The following SHISA5 variants were observed in gnomAD, a reference collection of about 807,000 sequenced individuals.
SHISA5 encodes protein shisa-5.
In SHISA5, 21 loss-of-function variants were observed where a neutral mutation model predicts 27.5. That is an observed-to-expected ratio of 0.76 (90% confidence interval 0.54 to 1.10). The LOEUF (loss-of-function observed/expected upper bound fraction) is 1.10. Ranked by LOEUF, SHISA5 falls within the 50% of genes least tolerant of loss-of-function variation. The pLI is 0.00. For synonymous variants in SHISA5, 137 were observed against 142.2 expected (o/e 0.96, Z 0.26); for missense variants, 314 against 336.3 (o/e 0.93, Z 0.52).
intron 1 of SHISA5, chr3:48,502,295 T>A (rs1575336466): frequency 2.3e-6 from 1 of 440,092 alleles, no homozygotes; most frequent in African/African-American, 2.0e-5. Flanking sequence ...GCAGGCTAGA[T>A]CCTGGTCAGA....
In SHISA5 at chr3:48,476,602, C is replaced by A. The variant is rs114722885; in HGVS notation, c.314+2575G>T. The stretch of plus-strand genomic sequence containing the variant: ...AAGTAGGCAGCACATGGATGCCCAG[C>A]AGAGGATGTCTCCTTGGGACCCAGA... On this transcript the variant is annotated intron_variant, in intron 3 of 5. Coordinates refer to ENST00000296444, the MANE Select transcript of SHISA5 (RefSeq NM_016479.6). 2.8e-3 allele frequency among the ~76,000 whole-genome samples: 422 copies of A among 152,296 alleles called. 2 individuals are homozygous for A. Among genetic ancestry groups the A allele is most frequent in the African/African-American group, 9.8e-3 (408 of 41,556 alleles).
At chr3:48,485,355 C>T (rs916097066) in intron 2 of SHISA5, among the ~76,000 whole-genome samples, 30 of 150,766 alleles carry the variant, frequency 2.0e-4, no homozygotes, top group Non-Finnish European at 1.5e-4. Flanking sequence ...ATTAGCCAAG[C>T]GTGGTGGTGC....
chr3:48,477,144 GATTC>G, intron 3 of SHISA5: 1 of 427,768 alleles, frequency 2.3e-6, no homozygotes, highest in Non-Finnish European at 4.6e-6. Context: ...CCTTCACATG[GATTC>G]TCCAACTCCT....
intron 2 of SHISA5, among the ~76,000 whole-genome samples, chr3:48,485,671 TATA>T (rs2041195572): frequency 7.0e-6 from 1 of 142,560 alleles, no homozygotes. Flanking sequence ...AAAATCTACA[TATA>T]ATATTATATA....
chr3:48,473,229 G>A lies in SHISA5; in HGVS notation c.315-3386C>T, dbSNP rs1395849831. On this transcript the variant is annotated intron_variant, in intron 3 of 5. Coordinates refer to ENST00000296444, the MANE Select transcript of SHISA5 (RefSeq NM_016479.6). The surrounding 1 kb of genome is among the most constrained non-coding windows in gnomAD (Gnocchi z 4.3). ...CGCCCAGCAGCCGGCTAGCAGCCAA[G>A]GAGCCAAGGGGCGGGGGCCGGGGAG... is the stretch of plus-strand genomic sequence containing the variant. The A allele has an allele frequency of 7.0e-7, 1 of 1,426,514 alleles. No homozygotes were observed. Among genetic ancestry groups the A allele is most frequent in the Admixed American group, 2.9e-5 (1 of 35,046 alleles). The allele number at this position is 1,426,514 out of a possible 1,614,324, so 88.4% of individuals were successfully genotyped here. A position where few individuals can be genotyped will look rare whatever the true frequency, so the allele number is the denominator to read the frequency against.
At chr3:48,495,095 C>G (rs1350199513) in intron 2 of SHISA5, among the ~76,000 whole-genome samples, 1 of 146,908 alleles carries the variant, frequency 6.8e-6, no homozygotes, top group Non-Finnish European at 1.5e-5. Context: ...GTGTGAGCCA[C>G]TCCACCTAGC....
chr3:48,489,512 C>T (rs200614441), intron 2 of SHISA5, among the ~76,000 whole-genome samples: 1 of 151,092 alleles, frequency 6.6e-6, no homozygotes, highest in East Asian at 1.9e-4. Context: ...TCAGCAGAGA[C>T]GGGGTTTCAC....
chr3:48,503,073 C>G, intron 1 of SHISA5: 4 of 1,284,700 alleles, frequency 3.1e-6, no homozygotes, highest in Non-Finnish European at 4.1e-6. Flanking sequence ...CATTGACAAG[C>G]CCAGTTTGGC....
chr3:48,502,766 G>T (rs1183790433), intron 1 of SHISA5, among the ~76,000 whole-genome samples: 1 of 152,244 alleles, frequency 6.6e-6, no homozygotes, highest in East Asian at 1.9e-4. Flanking sequence ...GCAGGGGACA[G>T]GTCTGATGAT....
chr3:48,471,532 G>A (rs1206041935), intron 3 of SHISA5, among the ~76,000 whole-genome samples: 3 of 142,618 alleles, frequency 2.1e-5, no homozygotes, highest in Admixed American at 7.2e-5. Flanking sequence ...TCCAGCCTGG[G>A]GGACAGAGTG....
chr3:48,501,379 C>G, intron 1 of SHISA5, 86 bp from the exon 2 acceptor site: 1 of 1,384,398 alleles, frequency 7.2e-7, no homozygotes, highest in Admixed American at 1.8e-5. Flanking sequence ...AGCCACCAGA[C>G]CACACACACA....
intron 1 of SHISA5, 44 bp downstream of exon 1, chr3:48,503,975 G>A: frequency 1.4e-6 from 2 of 1,450,376 alleles, no homozygotes; most frequent in African/African-American, 1.5e-5. Context: ...GGAAGTGTCT[G>A]CCCGGTCCCA....
At position 48,479,234 on chromosome 3, in the gene SHISA5, A is replaced by T; in HGVS notation, c.257T>A (p.Val86Glu). 1 of 1,487,968 alleles carries T rather than the reference A, an allele frequency of 6.7e-7. No homozygotes were observed. The allele number at this position is 1,487,968 out of a possible 1,614,324, so 92.2% of individuals were successfully genotyped here. Reference protein sequence around the residue: ...EASVPASVEPVEQLGSALRFR... With the variant: ...EASVPASVEPEEQLGSALRFR... ...CCTCAGCGCCGAGCCCAGCTGCTCCACCGGCTCTACACTGGCAGGCACGCT... is the reference window on the plus strand; with the variant it reads ...CCTCAGCGCCGAGCCCAGCTGCTCCTCCGGCTCTACACTGGCAGGCACGCT... The change falls in exon 3 of 6, where the codon GTG becomes GAG. Residue 86 changes from valine (V) to glutamate (E), a missense_variant. By Grantham distance (121) the Val-to-Glu change is moderately radical. Transcript: ENST00000296444.
intron 1 of SHISA5, 125 bp from the exon 2 acceptor site, chr3:48,501,418 C>T (rs1245753014): frequency 8.8e-7 from 1 of 1,136,032 alleles, no homozygotes; most frequent in Non-Finnish European, 1.3e-6. Context: ...TCTGAGCCAC[C>T]CTAGCCACAG....
intron 2 of SHISA5, among the ~76,000 whole-genome samples, chr3:48,489,211 T>C (rs2041345968): frequency 6.6e-6 from 1 of 151,994 alleles, no homozygotes; most frequent in Admixed American, 6.6e-5. Flanking sequence ...TTTTTTTTTT[T>C]TTTGCTCATC....
chr3:48,473,518 T>C lies in SHISA5; in HGVS notation c.315-3675A>G, dbSNP rs749453049. The C allele has an allele frequency of 1.6e-6, 2 of 1,289,388 alleles. No homozygotes were observed. The highest frequency in any genetic ancestry group is 2.0e-6 in the Non-Finnish European group (2 of 988,972). The allele number at this position is 1,289,388 out of a possible 1,614,324, so 79.9% of individuals were successfully genotyped here. A position where few individuals can be genotyped will look rare whatever the true frequency, so the allele number is the denominator to read the frequency against. On this transcript the variant is annotated intron_variant, in intron 3 of 5. Coordinates refer to ENST00000296444, the MANE Select transcript of SHISA5 (RefSeq NM_016479.6). This position sits in a 1 kb window ranked among gnomAD's most constrained non-coding sequence, Gnocchi z 4.3. ...ACCCTGGGGCCCTGGCTGACACACA[T>C]GCAAGGAGCAAAGTCCAGCCTGTCC... is the stretch of plus-strand genomic sequence containing the variant.
chr3:48,477,932 C>G (rs1178370056), intron 3 of SHISA5, among the ~76,000 whole-genome samples: 1 of 152,220 alleles, frequency 6.6e-6, no homozygotes, highest in Non-Finnish European at 1.5e-5. Context: ...AAACGACTTC[C>G]CACCTCCCAC....
At chr3:48,480,110 A>G (rs1253219457) in intron 2 of SHISA5, among the ~76,000 whole-genome samples, 2 of 136,822 alleles carry the variant, frequency 1.5e-5, no homozygotes. Context: ...TCACCGTGTT[A>G]GCCAGGATGG....
chr3:48,497,591 G>A (rs528553624), intron 2 of SHISA5, among the ~76,000 whole-genome samples: 1 of 151,710 alleles, frequency 6.6e-6, no homozygotes, highest in African/African-American at 2.4e-5. Context: ...AGCAATCGGA[G>A]GGTTAAAAAA....
Sources: allele counts gnomAD v4.1 joint callset (sites outside exome capture counted in the v4.1 genomes callset), GRCh38; gene constraint gnomAD v4.1.1; non-coding constraint Gnocchi (gnomAD v3.1); transcripts MANE v1.5; gene names NCBI Gene and HGNC (gene_info 2026-07-23, HGNC 2026-07-21).